Variants in CSNK2A2IP observed in about 807,000 individuals in gnomAD.
CSNK2A2IP encodes casein kinase 2 subunit alpha' interacting protein, also known as casein kinase II subunit alpha'-interacting protein.
the CSNK2A2IP span, among the ~76,000 whole-genome samples, chr3:88,363,678 T>C: frequency 6.6e-6 from 1 of 152,230 alleles, no homozygotes; most frequent in Non-Finnish European, 1.5e-5. Context: ...TTGAATGTCA[T>C]TCCAGGATGC....
chr3:88,434,721 C>G, the CSNK2A2IP span, among the ~76,000 whole-genome samples: 1 of 152,068 alleles, frequency 6.6e-6, no homozygotes, highest in African/African-American at 2.4e-5. Context: ...AAGGTAGAGT[C>G]AGGACAGTCA....
the CSNK2A2IP span, among the ~76,000 whole-genome samples, chr3:88,440,962 T>C: frequency 3.9e-5 from 6 of 152,234 alleles, 1 homozygote; most frequent in African/African-American, 1.4e-4. Flanking sequence ...GTAGATTCAA[T>C]TGTTATTTGC....
the CSNK2A2IP span, among the ~76,000 whole-genome samples, chr3:88,355,986 G>A: frequency 4.0e-5 from 6 of 151,864 alleles, no homozygotes; most frequent in Admixed American, 2.0e-4. Context: ...TTGTACATAC[G>A]TATGGGGTAC....
chr3:88,423,228 T>C, the CSNK2A2IP span, among the ~76,000 whole-genome samples: 1 of 152,228 alleles, frequency 6.6e-6, no homozygotes, highest in Non-Finnish European at 1.5e-5. Flanking sequence ...TTTAAATTCA[T>C]TGTCCCTATG....
chr3:88,461,744 TG>T, the CSNK2A2IP span, among the ~76,000 whole-genome samples: 4 of 152,186 alleles, frequency 2.6e-5, no homozygotes, highest in South Asian at 8.3e-4. Context: ...AATATCTCTC[TG>T]TTGTTTAAAT....
At chr3:88,349,247 A>G in the CSNK2A2IP span, among the ~76,000 whole-genome samples, 11 of 152,068 alleles carry the variant, frequency 7.2e-5, 1 homozygote, top group Admixed American at 7.2e-4. Flanking sequence ...AGAAGTGTGC[A>G]CTGTACTCAA....
chr3:88,439,024 G>A, the CSNK2A2IP span, among the ~76,000 whole-genome samples: 19 of 152,052 alleles, frequency 1.2e-4, no homozygotes, highest in Non-Finnish European at 1.9e-4. Context: ...GCCTGATTGC[G>A]TCTCTAGCAT....
At chr3:88,434,857 T>A in the CSNK2A2IP span, among the ~76,000 whole-genome samples, 1 of 152,170 alleles carries the variant, frequency 6.6e-6, no homozygotes, top group Non-Finnish European at 1.5e-5. Flanking sequence ...AAAAGACTGA[T>A]AAAGGTACTG....
chr3:88,434,174 C>T, the CSNK2A2IP span, among the ~76,000 whole-genome samples: 7 of 152,112 alleles, frequency 4.6e-5, no homozygotes, highest in East Asian at 1.9e-4. Flanking sequence ...AAGTTGATGG[C>T]CATCACAAAG....
chr3:88,416,219 G>A, the CSNK2A2IP span, among the ~76,000 whole-genome samples: 6 of 150,706 alleles, frequency 4.0e-5, no homozygotes, highest in Admixed American at 2.6e-4. Context: ...GTTGCAGTGA[G>A]CCGAGATCGG....
chr3:88,354,822 T>A, the CSNK2A2IP span, among the ~76,000 whole-genome samples: 1 of 152,172 alleles, frequency 6.6e-6, no homozygotes, highest in Non-Finnish European at 1.5e-5. Flanking sequence ...GTGCATATAC[T>A]ATACTAATCA....
the CSNK2A2IP span, among the ~76,000 whole-genome samples, chr3:88,404,069 A>T: frequency 6.6e-6 from 1 of 152,066 alleles, no homozygotes; most frequent in African/African-American, 2.4e-5. Flanking sequence ...GAAGAAATGA[A>T]TGTTTAAGTA....
the CSNK2A2IP span, among the ~76,000 whole-genome samples, chr3:88,422,961 T>C: frequency 4.6e-5 from 7 of 152,202 alleles, no homozygotes; most frequent in African/African-American, 1.7e-4. Flanking sequence ...AAAAAATGAA[T>C]TTTGAAGAAG....
At chr3:88,428,167 G>A in the CSNK2A2IP span, among the ~76,000 whole-genome samples, 1 of 152,114 alleles carries the variant, frequency 6.6e-6, no homozygotes, top group Non-Finnish European at 1.5e-5. Flanking sequence ...CTGCCCCGCT[G>A]GATTTTAAAC....
chr3:88,352,305 A>G, the CSNK2A2IP span, among the ~76,000 whole-genome samples: 1 of 152,138 alleles, frequency 6.6e-6, no homozygotes, highest in African/African-American at 2.4e-5. Flanking sequence ...TGTTTGTTCA[A>G]TCCCTGAAAT....
At chr3:88,339,651 G>A in the CSNK2A2IP span, among the ~76,000 whole-genome samples, 4 of 152,194 alleles carry the variant, frequency 2.6e-5, no homozygotes, top group South Asian at 2.1e-4. Flanking sequence ...ACTGGTGTAC[G>A]TAAGTAATGA....
the CSNK2A2IP span, among the ~76,000 whole-genome samples, chr3:88,371,433 T>G: frequency 6.6e-6 from 1 of 151,662 alleles, no homozygotes; most frequent in African/African-American, 2.4e-5. Context: ...ATACCTTAGA[T>G]GGGTTCAAAA....
the CSNK2A2IP span, among the ~76,000 whole-genome samples, chr3:88,350,040 C>T: frequency 6.6e-6 from 1 of 152,038 alleles, no homozygotes; most frequent in Admixed American, 6.6e-5. Context: ...CACCACTGCT[C>T]AATAAAATGA....
the CSNK2A2IP span, among the ~76,000 whole-genome samples, chr3:88,411,391 A>G: frequency 6.0e-5 from 9 of 151,124 alleles, no homozygotes; most frequent in African/African-American, 2.0e-4. Flanking sequence ...CTATCTATCT[A>G]TCTATCTATC....
Sources: gnomAD v4.1 joint callset for allele counts (sites outside exome capture counted in the v4.1 genomes callset) on GRCh38, gnomAD v4.1.1 for gene constraint, MANE v1.5 for transcripts, NCBI Gene and HGNC (gene_info 2026-07-23, HGNC 2026-07-21) for gene names.